FER: variants seen among roughly 807,000 people sequenced by gnomAD.
FER encodes the protein tyrosine-protein kinase Fer.
FER carries 63 observed loss-of-function variants against 111.0 expected under a neutral mutation model. That is an observed-to-expected ratio of 0.57 (90% confidence interval 0.46 to 0.70). FER has a LOEUF of 0.70. Ranked by LOEUF, FER falls within the 30% of genes least tolerant of loss-of-function variation. The probability of loss-of-function intolerance (pLI) is 0.00; values close to 1 mark genes in which losing one functional copy is unlikely to be tolerated. For synonymous variants in FER, 327 were observed against 313.9 expected, an observed-to-expected ratio of 1.04 and a Z score of -0.44; for missense variants, 914 against 954.0, an observed-to-expected ratio of 0.96 and a Z score of 0.55.
At chr5:109,008,568 C>G (rs1234923820) in intron 13 of FER, among the ~76,000 whole-genome samples, 2 of 152,174 alleles carry the variant, frequency 1.3e-5, no homozygotes, top group Non-Finnish European at 2.9e-5. Flanking sequence ...ACTCATCTAT[C>G]TTGTCCCTTC....
At position 108,867,763 on chromosome 5, in the gene FER, T is replaced by TTC. The variant is rs1561536164; in HGVS notation, c.482-4_482-3insTC. On this transcript the variant is annotated splice_polypyrimidine_tract_variant and splice_region_variant and intron_variant, in intron 5 of 19. Transcript: ENST00000281092. ...TAACTTTCTTCAGTTTTTTTTTTTT[T>TTC]CAGGGAAGGAAACTGAAAAGGCCAA... 63 of 1,589,492 alleles carry TTC rather than the reference T, an allele frequency of 4.0e-5. No individual in the cohort carries two copies. In the African/African-American group the frequency reaches 7.6e-4, roughly 19 times the overall value.
chr5:109,175,901 C>A (rs1465969991), intron 17 of FER, among the ~76,000 whole-genome samples: 1 of 152,142 alleles, frequency 6.6e-6, no homozygotes, highest in Admixed American at 6.6e-5. Flanking sequence ...ATCGCATGAA[C>A]GTGGGAGATG....
intron 1 of FER, among the ~76,000 whole-genome samples, chr5:108,761,088 G>A (rs546683681): frequency 2.0e-5 from 3 of 151,672 alleles, no homozygotes; most frequent in Admixed American, 6.6e-5. Context: ...CCGCCACCAC[G>A]CCAGCTAATT....
rs748961177 is a variant in FER at position 108,841,692 on chromosome 5, C to A, written c.481+5885C>A. The A allele has an allele frequency of 1.4e-4, 27 of 188,056 alleles. 1 individual carries two copies. Among genetic ancestry groups the A allele is most frequent in the Non-Finnish European group, 2.8e-4 (25 of 87,822 alleles). 11.6% of individuals were successfully genotyped at this position (188,056 alleles called of 1,614,324 possible). On this transcript the variant is annotated intron_variant, in intron 5 of 19. Transcript: ENST00000281092. ...TAGTGAAGGTTTGTGTCAGGAGTAA[C>A]AAAGTAGTATTTAAGCTGCTGAACC...
At chr5:109,032,778 G>T (rs553052832) in intron 13 of FER, among the ~76,000 whole-genome samples, 33 of 152,264 alleles carry the variant, frequency 2.2e-4, no homozygotes, top group African/African-American at 7.7e-4. Flanking sequence ...GATTACCAAA[G>T]TGCATAATTT....
chr5:108,999,653 C>G (rs887577559), intron 13 of FER, among the ~76,000 whole-genome samples: 1 of 151,428 alleles, frequency 6.6e-6, no homozygotes, highest in Admixed American at 6.6e-5. Flanking sequence ...AATTTATACT[C>G]CTATCAGTAT....
chr5:109,055,655 C>T (rs758686324), intron 16 of FER, among the ~76,000 whole-genome samples: 8 of 150,964 alleles, frequency 5.3e-5, no homozygotes, highest in Non-Finnish European at 8.9e-5. Context: ...GACATGGTGA[C>T]GTGTGCCTGT....
chr5:108,912,494 T>G (rs960720227), intron 10 of FER, among the ~76,000 whole-genome samples: 1 of 152,226 alleles, frequency 6.6e-6, no homozygotes, highest in Non-Finnish European at 1.5e-5. Context: ...CTCAAGTAGC[T>G]GGGATTACAG....
At chr5:109,120,229 A>G (rs763890363) in intron 17 of FER, among the ~76,000 whole-genome samples, 2 of 152,148 alleles carry the variant, frequency 1.3e-5, no homozygotes, top group Non-Finnish European at 2.9e-5. Flanking sequence ...GCGGTTTCAC[A>G]GACTAAAGTC....
chr5:108,995,771 G>A (rs1281348115), intron 13 of FER, among the ~76,000 whole-genome samples: 3 of 152,068 alleles, frequency 2.0e-5, no homozygotes, highest in Non-Finnish European at 2.9e-5. Context: ...TAATCCTTTG[G>A]GTAGATAGCC....
At chr5:108,936,223 T>A (rs149697777) in intron 10 of FER, among the ~76,000 whole-genome samples, 2,403 of 152,148 alleles carry the variant, frequency 0.016, 54 homozygotes, top group African/African-American at 0.055. Context: ...ATTTAAACTT[T>A]TTATTCAAGG....
At chr5:109,060,869 C>T (rs1774327827) in intron 16 of FER, among the ~76,000 whole-genome samples, 3 of 151,630 alleles carry the variant, frequency 2.0e-5, no homozygotes, top group Admixed American at 1.3e-4. Context: ...TTGTGCTCAT[C>T]ATCATCATCA....
At chr5:108,822,709 A>ATTTATTTTATTTATTTTAT in intron 3 of FER, among the ~76,000 whole-genome samples, 2 of 121,542 alleles carry the variant, frequency 1.6e-5, no homozygotes, top group East Asian at 4.6e-4. Flanking sequence ...ATTTTATTTT[A>ATTTATTTTATTTATTTTAT]TTTATTTTAT....
chr5:108,750,147 T>C (rs1487315292), intron 1 of FER, among the ~76,000 whole-genome samples: 5 of 152,176 alleles, frequency 3.3e-5, no homozygotes, highest in Admixed American at 3.3e-4. Flanking sequence ...AATAAATTTC[T>C]CAGATGAGGT....
At chr5:109,007,192 G>C (rs1251229211) in intron 13 of FER, among the ~76,000 whole-genome samples, 1 of 152,162 alleles carries the variant, frequency 6.6e-6, no homozygotes, top group Non-Finnish European at 1.5e-5. Flanking sequence ...TGAGATACAT[G>C]AGGTATTAAC....
At chr5:109,059,189 A>G (rs1266465642) in intron 16 of FER, among the ~76,000 whole-genome samples, 5 of 152,184 alleles carry the variant, frequency 3.3e-5, no homozygotes, top group Admixed American at 6.5e-5. Context: ...GTAAAGATAA[A>G]TCAGCAGAAA....
intron 9 of FER, among the ~76,000 whole-genome samples, chr5:108,887,493 T>G (rs1344725291): frequency 6.6e-6 from 1 of 151,610 alleles, no homozygotes; most frequent in Admixed American, 6.6e-5. Flanking sequence ...CAGGTCTTAG[T>G]TGAAATGTAG....
chr5:109,108,009 G>C (rs1008451802), intron 17 of FER, among the ~76,000 whole-genome samples: 2 of 152,026 alleles, frequency 1.3e-5, no homozygotes, highest in African/African-American at 4.8e-5. Context: ...AGAGTGTGCA[G>C]GGTCACTGTT....
chr5:108,957,248 A>G (rs1758544584), intron 12 of FER, among the ~76,000 whole-genome samples: 1 of 151,676 alleles, frequency 6.6e-6, no homozygotes. Flanking sequence ...TCATGTACTC[A>G]TGCATTCATG....
Sources: allele counts gnomAD v4.1 joint callset (sites outside exome capture counted in the v4.1 genomes callset), GRCh38; gene constraint gnomAD v4.1.1; transcripts MANE v1.5; gene names NCBI Gene and HGNC (gene_info 2026-07-23, HGNC 2026-07-21).